Variants in PXDN observed in about 807,000 individuals in gnomAD.
PXDN encodes the protein peroxidasin homolog.
PXDN carries 77 observed loss-of-function variants against 140.3 expected under a neutral mutation model. That is an observed-to-expected ratio of 0.55 (90% CI 0.46 to 0.66). The LOEUF is 0.66. Among genes scored for constraint, PXDN ranks in the 30% least tolerant of loss-of-function variants. PXDN has a pLI of 0.00. For synonymous variants in PXDN, 911 were observed against 857.4 expected (o/e 1.06, Z -1.09); for missense variants, 1,838 against 2,039.5 (o/e 0.90, Z 1.90).
chr2:1,690,747 A>G (rs1388551040), intron 3 of PXDN, among the ~76,000 whole-genome samples: 1 of 151,832 alleles, frequency 6.6e-6, no homozygotes, highest in Non-Finnish European at 1.5e-5. Flanking sequence ...TCATGTTTAT[A>G]TGAAATTAAA....
In PXDN at chr2:1,663,797, C is replaced by T. The variant is rs763795105; in HGVS notation, c.1409-34G>A. On this transcript the variant is annotated intron_variant, in intron 11 of 22. Transcript: ENST00000252804. ...GCATGGGCCCGTTACACTGGACACT[C>T]GGACGCATGGAGAACTCCTGCTCTC... 10 of 1,600,856 alleles carry T rather than the reference C, an allele frequency of 6.2e-6. No homozygotes were observed. The East Asian group carries it at 1.1e-4, about 18-fold the overall frequency.
In PXDN at chr2:1,660,901, C is replaced by A; in HGVS notation, c.1817G>T (p.Ser606Ile). ...ARNTIGSASV[S>I]MVLSVNVPDV... ...CTTACCATTCACACTGAGCACCATG[C>A]TCACCGAGGCCGACCCAATGGTGTT... Residue 606 changes from serine to isoleucine, a missense_variant, in exon 14 of 23, where the codon AGC (serine) becomes ATC (isoleucine). Physicochemically the swap from Ser to Ile is moderately radical, Grantham distance 142 (BLOSUM62 -2). This residue lies in a region of PXDN where 537 missense variants were observed against 583.9 expected (regional missense o/e 0.92). Transcript: ENST00000252804. This position sits in a 1 kb window ranked among gnomAD's most constrained non-coding sequence, Gnocchi z 4.6. 6.2e-7 allele frequency: 1 copy of A among 1,613,206 alleles called. No homozygotes were observed. The highest frequency in any genetic ancestry group is 1.1e-5 in the South Asian group (1 of 91,002).
At position 1,695,530 on chromosome 2, in the gene PXDN, G is replaced by C. The variant is rs111768427; in HGVS notation, c.201-2396C>G. Reference sequence around the variant, plus strand: ...ACAGGCCCCTGTGCCCTGCTGGACAGAGAGGTGCTGTCCCATTCACAGGCC... The same window carrying C: ...ACAGGCCCCTGTGCCCTGCTGGACACAGAGGTGCTGTCCCATTCACAGGCC... On this transcript the variant is annotated intron_variant, in intron 1 of 22. Coordinates refer to ENST00000252804, the MANE Select transcript of PXDN (RefSeq NM_012293.3). 1.7e-3 allele frequency among the ~76,000 whole-genome samples: 70 copies of C among 41,744 alleles called. 1 individual carries two copies. The highest frequency in any genetic ancestry group is 0.01 in the East Asian group (14 of 1,350). The allele number at this position is 41,744 out of a possible 152,430, so 27.4% of individuals were successfully genotyped here. A position where few individuals can be genotyped will look rare whatever the true frequency, so the allele number is the denominator to read the frequency against.
intron 1 of PXDN, among the ~76,000 whole-genome samples, chr2:1,728,179 C>G (rs1466721653): frequency 6.6e-6 from 1 of 152,208 alleles, no homozygotes. Flanking sequence ...CTCAAGAGAT[C>G]CATCCGCCTC....
chr2:1,662,049 G>A (rs1683317039), intron 13 of PXDN, 23 bp downstream of exon 13: 7 of 1,557,410 alleles, frequency 4.5e-6, no homozygotes, highest in African/African-American at 1.4e-5. Context: ...GGTGGTGGCT[G>A]GCTCGGGCAC....
intron 9 of PXDN, among the ~76,000 whole-genome samples, chr2:1,673,254 C>G (rs965073451): frequency 6.6e-6 from 1 of 152,102 alleles, no homozygotes; most frequent in Non-Finnish European, 1.5e-5. Context: ...TAATCCAAGC[C>G]CTTAGCAAAA....
At chr2:1,641,236 CTGCCTCTTGG>C (rs1392446477) in intron 19 of PXDN, among the ~76,000 whole-genome samples, 9 of 152,240 alleles carry the variant, frequency 5.9e-5, no homozygotes, top group African/African-American at 1.9e-4. Context: ...ACTGCAACCT[CTGCCTCTTGG>C]GTTCAAGCAA....
chr2:1,744,501 C>T lies in PXDN; in HGVS notation c.-46G>A, dbSNP rs1685645667. 1.5e-6 allele frequency: 2 copies of T among 1,355,296 alleles called. No homozygotes were observed. The highest frequency in any genetic ancestry group is 1.9e-6 in the Non-Finnish European group (2 of 1,062,774). 84.0% of individuals were successfully genotyped at this position (1,355,296 alleles called of 1,614,324 possible). A position where few individuals can be genotyped will look rare whatever the true frequency, so the allele number is the denominator to read the frequency against. On this transcript the variant is annotated 5_prime_UTR_variant, in exon 1 of 23. Coordinates refer to ENST00000252804, the MANE Select transcript of PXDN (RefSeq NM_012293.3). Reference sequence around the variant, plus strand: ...GCTCGGACGCACGGAGCCACCACGGCCGGCTCCCGACTGCGCCCGCCCGGC... The same window carrying T: ...GCTCGGACGCACGGAGCCACCACGGTCGGCTCCCGACTGCGCCCGCCCGGC...
At chr2:1,720,476 T>C (rs1685015227) in intron 1 of PXDN, among the ~76,000 whole-genome samples, 1 of 151,810 alleles carries the variant, frequency 6.6e-6, no homozygotes, top group African/African-American at 2.4e-5. Context: ...AGGTGTATTT[T>C]AAGGAGCTGG....
At chr2:1,635,705 CG>C in intron 21 of PXDN, 184 bp from the exon 22 acceptor site, 1 of 612,082 alleles carries the variant, frequency 1.6e-6, no homozygotes, top group African/African-American at 1.8e-5. Flanking sequence ...GCTGACCACA[CG>C]CCCCAATGGA....
chr2:1,638,959 G>A lies in PXDN; in HGVS notation c.4093C>T (p.His1365Tyr), dbSNP rs1682643845. 4.3e-6 allele frequency: 7 copies of A among 1,613,896 alleles called. No individual in the cohort carries two copies. The highest frequency in any genetic ancestry group is 5.9e-6 in the Non-Finnish European group (7 of 1,179,884). Residue 1365 changes from histidine to tyrosine, a missense_variant, in exon 21 of 23, where the codon CAT becomes TAT. His to Tyr is a moderately conservative substitution (Grantham distance 83). Coordinates refer to ENST00000252804, the MANE Select transcript of PXDN (RefSeq NM_012293.3). ...KIPSVGRQGE[H>Y]LSNSTSAFST... ...AAGGCTGAGGTGCTGTTGCTGAGAT[G>A]TTCCCCCTGTCTCCCAACACTGTGG...
Position 1,648,774 on chromosome 2 carries a change from C to T in PXDN, c.3006G>A (p.Leu1002=). The T allele has an allele frequency of 6.2e-7, 1 of 1,604,180 alleles. No individual in the cohort carries two copies. Among genetic ancestry groups the T allele is most frequent in the Non-Finnish European group, 8.5e-7 (1 of 1,176,106 alleles). ...CGTCCCAGTGCGGGTTCAGCTTGAG[C>T]AGCTCCGTGGCAATGCGGTTGTGCT... ...FREHNRIATE[L]LKLNPHWDGD... is the part of the protein sequence containing the mutation. Residue 1002 remains leucine (L), a synonymous_variant, in exon 17 of 23, where the codon CTG becomes CTA. Coordinates refer to ENST00000252804, the MANE Select transcript of PXDN (RefSeq NM_012293.3). This position sits in a 1 kb window ranked among gnomAD's most constrained non-coding sequence, Gnocchi z 8.9.
intron 4 of PXDN, 132 bp from the exon 5 acceptor site, chr2:1,684,283 A>G (rs1231667238): frequency 1.4e-6 from 1 of 695,560 alleles, no homozygotes; most frequent in Admixed American, 2.4e-5. Context: ...GACTTCCTAC[A>G]TTGTATGAAC....
chr2:1,647,251 G>GA (rs924874313), intron 17 of PXDN, among the ~76,000 whole-genome samples: 7 of 151,764 alleles, frequency 4.6e-5, no homozygotes, highest in African/African-American at 7.3e-5. Flanking sequence ...GAAATAACAT[G>GA]AAAAAAAAGG....
At chr2:1,657,067 T>C (rs1181604182) in intron 14 of PXDN, among the ~76,000 whole-genome samples, 2 of 115,520 alleles carry the variant, frequency 1.7e-5, no homozygotes. Context: ...TGAATGAAAC[T>C]TGGCCCCTCC....
intron 1 of PXDN, among the ~76,000 whole-genome samples, chr2:1,713,105 C>T (rs185123470): frequency 1.3e-3 from 205 of 152,192 alleles, no homozygotes; most frequent in African/African-American, 4.8e-3. Context: ...CACAGGTGGC[C>T]CCTGGTTCCT....
intron 14 of PXDN, among the ~76,000 whole-genome samples, chr2:1,658,425 C>A (rs1030428127): frequency 1.3e-5 from 2 of 151,926 alleles, no homozygotes; most frequent in African/African-American, 4.8e-5. Context: ...CCCAGCAGTC[C>A]CCCCACAGTG....
Position 1,666,258 on chromosome 2 carries a change from T to G in PXDN, c.1247A>C (p.Asn416Thr), listed in dbSNP as rs1324829263. Reference sequence around the variant, plus strand: ...GGTGGCATGGACGCTGTCAATGTTGTTGGTCGCAGAGCACGCATACTCTCC... The same window carrying G: ...GGTGGCATGGACGCTGTCAATGTTGGTGGTCGCAGAGCACGCATACTCTCC... ...DSGEYACSAT[N>T]NIDSVHATAF... Residue 416 changes from asparagine (N) to threonine (T), a missense_variant, in exon 10 of 23, where the codon AAC becomes ACC. This residue lies in a region of PXDN where 537 missense variants were observed against 583.9 expected (regional missense o/e 0.92). Coordinates refer to ENST00000252804, the MANE Select transcript of PXDN (RefSeq NM_012293.3). 3 of 1,614,010 alleles carry G rather than the reference T, an allele frequency of 1.9e-6. No individual in the cohort carries two copies. In the South Asian group the frequency reaches 3.3e-5, roughly 18 times the overall value.
At chr2:1,742,969 C>A (rs1685581708) in intron 1 of PXDN, among the ~76,000 whole-genome samples, 1 of 152,244 alleles carries the variant, frequency 6.6e-6, no homozygotes, top group Non-Finnish European at 1.5e-5. Context: ...TTTGCAGACT[C>A]TTTGCTGGTG....
Sources: gnomAD v4.1 joint callset for allele counts (sites outside exome capture counted in the v4.1 genomes callset) on GRCh38, gnomAD v4.1.1 for gene constraint, gnomAD v4.1.1 regional missense constraint, Gnocchi (gnomAD v3.1) non-coding constraint, MANE v1.5 for transcripts, NCBI Gene and HGNC (gene_info 2026-07-23, HGNC 2026-07-21) for gene names.